Variants in DBF4 observed in about 807,000 individuals in gnomAD.
DBF4 encodes the protein DBF4-CDC7 kinase regulatory subunit, also known as protein DBF4 homolog A.
DBF4 carries 25 observed loss-of-function variants against 76.6 expected under a neutral mutation model. The observed-to-expected ratio is 0.33, with a 90% CI of 0.24 to 0.46. The LOEUF (loss-of-function observed/expected upper bound fraction) is 0.46, where lower values mean the gene tolerates loss of function less well. Ranked by LOEUF, DBF4 falls within the 20% of genes least tolerant of loss-of-function variation. DBF4 has a pLI of 1.00. For synonymous variants in DBF4, 213 were observed against 258.0 expected, an observed-to-expected ratio of 0.83 and a Z score of 1.67; for missense variants, 638 against 760.8, an observed-to-expected ratio of 0.84 and a Z score of 1.90.
At chr7:87,883,143 AC>A (rs966075948) in intron 2 of DBF4, among the ~76,000 whole-genome samples, 108 of 152,212 alleles carry the variant, frequency 7.1e-4, no homozygotes, top group African/African-American at 2.4e-3. Flanking sequence ...TGGGTGAACC[AC>A]AAAAAACGTG....
chr7:87,879,549 A>C (rs553623109), intron 2 of DBF4, among the ~76,000 whole-genome samples: 1 of 152,294 alleles, frequency 6.6e-6, no homozygotes, highest in African/African-American at 2.4e-5. Context: ...TCTTAGAAAC[A>C]AAGTACTTGA....
chr7:87,899,433 TA>T (rs1212696264), intron 8 of DBF4, among the ~76,000 whole-genome samples: 5 of 152,102 alleles, frequency 3.3e-5, no homozygotes, highest in Admixed American at 2.0e-4. Flanking sequence ...AACCCAATTT[TA>T]AAAAGGGGCA....
At chr7:87,879,953 A>T (rs76627358) in intron 2 of DBF4, among the ~76,000 whole-genome samples, 1 of 145,870 alleles carries the variant, frequency 6.9e-6, no homozygotes, top group Non-Finnish European at 1.5e-5. Flanking sequence ...CCTATGTCCA[A>T]AAAAAAAAAA....
chr7:87,885,305 T>G (rs1463391129), intron 3 of DBF4, 147 bp downstream of exon 3: 1 of 607,338 alleles, frequency 1.6e-6, no homozygotes, highest in African/African-American at 1.9e-5. Context: ...TCAATAAAGT[T>G]GCTGTCTTTT....
In DBF4 at chr7:87,907,501, A is replaced by G. The variant is rs745544737; in HGVS notation, c.1363A>G (p.Lys455Glu). 1 of 1,614,006 alleles carries G rather than the reference A, an allele frequency of 6.2e-7. No homozygotes were observed. The highest frequency in any genetic ancestry group is 1.3e-5 in the African/African-American group (1 of 75,050). Residue 455 changes from lysine to glutamate, a missense_variant, in exon 12 of 12, where the codon AAA becomes GAA. Lys to Glu is a moderately conservative substitution (Grantham distance 56, BLOSUM62 1). Coordinates refer to ENST00000265728, the MANE Select transcript of DBF4 (RefSeq NM_006716.4). ...RQNFTQLPLH[K>E]NKQECILDIS... ...GAATTTTACACAGCTACCTCTACATAAAAACAAACAGGAATGCATTCTTGA... is the reference window on the plus strand; with the variant it reads ...GAATTTTACACAGCTACCTCTACATGAAAACAAACAGGAATGCATTCTTGA...
chr7:87,877,765 A>T (rs1044042278), intron 1 of DBF4, among the ~76,000 whole-genome samples: 1 of 152,192 alleles, frequency 6.6e-6, no homozygotes, highest in Non-Finnish European at 1.5e-5. Context: ...TTTACATCCT[A>T]AAAAAAGAAA....
chr7:87,889,373 G>A (rs867947127), intron 6 of DBF4, among the ~76,000 whole-genome samples: 13 of 150,392 alleles, frequency 8.6e-5, no homozygotes, highest in South Asian at 2.1e-4. Context: ...TCCTCCTCCC[G>A]GGCTCAAGCG....
At chr7:87,906,417 T>C (rs1197734198) in intron 11 of DBF4, among the ~76,000 whole-genome samples, 2 of 151,764 alleles carry the variant, frequency 1.3e-5, no homozygotes, top group African/African-American at 4.8e-5. Flanking sequence ...AAGAACATTC[T>C]GGTTGAAGGG....
intron 3 of DBF4, among the ~76,000 whole-genome samples, chr7:87,886,380 CA>C (rs1839352573): frequency 6.6e-6 from 1 of 151,498 alleles, no homozygotes; most frequent in African/African-American, 2.4e-5. Context: ...AAAAAAAATA[CA>C]AAAATTAGCC....
At position 87,908,427 on chromosome 7, in the gene DBF4, T is replaced by C. The variant is rs1839962997; in HGVS notation, c.*264T>C. On this transcript the variant is annotated 3_prime_UTR_variant, in exon 12 of 12. Coordinates refer to ENST00000265728, the MANE Select transcript of DBF4 (RefSeq NM_006716.4). ...AGAATTACAATGAATAATAATTTGC[T>C]TTGTCACTGAAAACCACCAGTGAAG... The C allele has an allele frequency of 4.1e-6, 1 of 241,206 alleles. No homozygotes were observed. Among genetic ancestry groups the C allele is most frequent in the Admixed American group, 5.5e-5 (1 of 18,282 alleles). The allele number at this position is 241,206 out of a possible 1,614,324, so 14.9% of individuals were successfully genotyped here.
intron 6 of DBF4, among the ~76,000 whole-genome samples, chr7:87,891,681 A>G (rs145911696): frequency 1.4e-4 from 21 of 152,186 alleles, no homozygotes; most frequent in Non-Finnish European, 1.5e-4. Flanking sequence ...TTCTTAGTCA[A>G]TCTGGCTAGT....
intron 1 of DBF4, among the ~76,000 whole-genome samples, chr7:87,877,838 T>C (rs1839107950): frequency 6.6e-6 from 1 of 152,244 alleles, no homozygotes; most frequent in African/African-American, 2.4e-5. Context: ...TATTTCTTGC[T>C]GAGTCAACTA....
Position 87,900,753 on chromosome 7 carries a change from T to C in DBF4, c.810-11T>C, listed in dbSNP as rs1289128729. ...AGCAGTTAATTCTTTACCATGTATG[T>C]CTGTCATCAGAATCCAAACAGATGG... On this transcript the variant is annotated splice_polypyrimidine_tract_variant and intron_variant, in intron 9 of 11. Transcript: ENST00000265728. 6.2e-7 allele frequency: 1 copy of C among 1,603,876 alleles called. No individual in the cohort carries two copies. The highest frequency in any genetic ancestry group is 2.2e-5 in the East Asian group (1 of 44,728).
chr7:87,900,274 C>A lies in DBF4; in HGVS notation c.734C>A (p.Ser245Tyr). 1 of 1,603,998 alleles carries A rather than the reference C, an allele frequency of 6.2e-7. No individual in the cohort carries two copies. Among genetic ancestry groups the A allele is most frequent in the Non-Finnish European group, 8.5e-7 (1 of 1,176,032 alleles). ...ACCAATATGCCTTTTATAAATTATT[C>A]TATTCAGAAGCCCTGCAGTCCATTT... ...QLTNMPFINY[S>Y]IQKPCSPFDV... is the part of the protein sequence containing the mutation. Residue 245 changes from serine to tyrosine, a missense_variant, in exon 9 of 12, where the codon TCT (serine) becomes TAT (tyrosine). Physicochemically the swap from Ser to Tyr is moderately radical, Grantham distance 144. Coordinates refer to ENST00000265728, the MANE Select transcript of DBF4 (RefSeq NM_006716.4).
Position 87,876,690 on chromosome 7 carries a change from G to A in DBF4, c.-43G>A. 1.2e-6 allele frequency: 2 copies of A among 1,612,002 alleles called. No homozygotes were observed. The highest frequency in any genetic ancestry group is 1.7e-6 in the Non-Finnish European group (2 of 1,179,252). On this transcript the variant is annotated 5_prime_UTR_variant, in exon 1 of 12. Coordinates refer to ENST00000265728, the MANE Select transcript of DBF4 (RefSeq NM_006716.4). ...CCGTGCTTTCGCGGCTGCCCGGTGCGACACTTTCTCCGGACCCAGCATGTA... is the reference window on the plus strand; with the variant it reads ...CCGTGCTTTCGCGGCTGCCCGGTGCAACACTTTCTCCGGACCCAGCATGTA...
chr7:87,882,619 A>T (rs1839244945), intron 2 of DBF4, among the ~76,000 whole-genome samples: 1 of 152,210 alleles, frequency 6.6e-6, no homozygotes, highest in South Asian at 2.1e-4. Flanking sequence ...GTGACCCAAG[A>T]ACAAAAGGAC....
intron 3 of DBF4, among the ~76,000 whole-genome samples, chr7:87,885,444 CT>C (rs989091545): frequency 9.8e-5 from 15 of 152,304 alleles, no homozygotes; most frequent in African/African-American, 3.6e-4. Flanking sequence ...GCAGATCATT[CT>C]TTGAAGAAGA....
intron 10 of DBF4, among the ~76,000 whole-genome samples, chr7:87,903,207 CT>C (rs941487987): frequency 6.6e-6 from 1 of 152,236 alleles, no homozygotes; most frequent in African/African-American, 2.4e-5. Flanking sequence ...CTCAGCCTCT[CT>C]GGTAGTTGGG....
chr7:87,900,060 TGTTAA>T, intron 8 of DBF4, among the ~76,000 whole-genome samples, 156 bp from the exon 9 acceptor site: 1 of 152,114 alleles, frequency 6.6e-6, no homozygotes, highest in African/African-American at 2.4e-5. Context: ...AATGTTTAAA[TGTTAA>T]AAATTGTTAG....
Sources: gnomAD v4.1 joint callset for allele counts (sites outside exome capture counted in the v4.1 genomes callset) on GRCh38, gnomAD v4.1.1 for gene constraint, MANE v1.5 for transcripts, NCBI Gene and HGNC (gene_info 2026-07-23, HGNC 2026-07-21) for gene names.